The following HMGB1 variants were observed in gnomAD, a reference collection of about 807,000 sequenced individuals.
HMGB1 encodes the protein high mobility group box 1.
For missense variants in HMGB1, 79 were observed against 253.5 expected (o/e 0.31, Z 4.67); for synonymous variants, 81 against 84.0 (o/e 0.96, Z 0.19).
intron 1 of HMGB1, among the ~76,000 whole-genome samples, chr13:30,536,189 C>G (rs1340378842): frequency 6.6e-6 from 1 of 152,066 alleles, no homozygotes; most frequent in East Asian, 1.9e-4. Context: ...GCAGATTAAC[C>G]AATTATTTTT....
intron 1 of HMGB1, among the ~76,000 whole-genome samples, chr13:30,491,310 G>A (rs113943106): frequency 0.011 from 1,642 of 146,140 alleles, 29 homozygotes; most frequent in African/African-American, 0.041. Context: ...GATTACAGGC[G>A]TGAGCCACCG....
At chr13:30,506,597 G>A (rs868715761) in intron 1 of HMGB1, among the ~76,000 whole-genome samples, 4 of 152,040 alleles carry the variant, frequency 2.6e-5, no homozygotes, top group Non-Finnish European at 4.4e-5. Context: ...GCCTCTCCGC[G>A]GGCACTTTCT....
chr13:30,606,442 T>C (rs1255878909), intron 1 of HMGB1, among the ~76,000 whole-genome samples: 5 of 142,308 alleles, frequency 3.5e-5, no homozygotes. Flanking sequence ...GGAGAGCATG[T>C]CTTAAAGCTG....
At chr13:30,473,552 G>T (rs1886997830) in intron 1 of HMGB1, among the ~76,000 whole-genome samples, 1 of 152,146 alleles carries the variant, frequency 6.6e-6, no homozygotes, top group Non-Finnish European at 1.5e-5. Context: ...CAGAATAAAT[G>T]CTTATCACAC....
chr13:30,519,647 C>CT (rs1424852864), intron 1 of HMGB1, among the ~76,000 whole-genome samples: 1 of 151,804 alleles, frequency 6.6e-6, no homozygotes. Context: ...TTGCAGTGAG[C>CT]TGAGATCGCA....
chr13:30,524,427 G>C (rs1203364349), intron 1 of HMGB1, among the ~76,000 whole-genome samples: 8 of 151,850 alleles, frequency 5.3e-5, no homozygotes, highest in Non-Finnish European at 1.2e-4. Flanking sequence ...AGCACGGCTA[G>C]GAAGACTTCA....
intron 1 of HMGB1, among the ~76,000 whole-genome samples, chr13:30,574,411 C>A (rs1870559250): frequency 6.6e-6 from 1 of 152,204 alleles, no homozygotes; most frequent in East Asian, 1.9e-4. Context: ...AACACACTGT[C>A]TACCATAGAT....
intron 1 of HMGB1, among the ~76,000 whole-genome samples, chr13:30,565,633 G>A (rs894564244): frequency 3.9e-5 from 6 of 152,334 alleles, no homozygotes; most frequent in African/African-American, 9.6e-5. Flanking sequence ...ATTCTGATTA[G>A]GTTAGGTCTG....
chr13:30,520,465 C>CA (rs1357187823), intron 1 of HMGB1, among the ~76,000 whole-genome samples: 3 of 151,746 alleles, frequency 2.0e-5, no homozygotes, highest in African/African-American at 7.3e-5. Context: ...ACTAAAAATA[C>CA]AAAAATTAGT....
At chr13:30,463,120 C>G in intron 3 of HMGB1, 87 bp downstream of exon 3, 1 of 1,298,072 alleles carries the variant, frequency 7.7e-7, no homozygotes, top group Non-Finnish European at 1.1e-6. Context: ...TACATTTACA[C>G]TCTAAACTGA....
chr13:30,581,474 T>C (rs954388627), intron 1 of HMGB1, among the ~76,000 whole-genome samples: 1 of 152,246 alleles, frequency 6.6e-6, no homozygotes, highest in African/African-American at 2.4e-5. Flanking sequence ...ATGGCTGCTT[T>C]TGCGCTACAG....
At position 30,460,115 on chromosome 13, in the gene HMGB1, G is replaced by C. The variant is rs1439604391; in HGVS notation, c.*1242C>G. The C allele has an allele frequency of 1.3e-5, 2 of 152,270 alleles. No homozygotes were observed. The highest frequency in any genetic ancestry group is 2.4e-5 in the African/African-American group (1 of 41,302). The allele number at this position is 152,270 out of a possible 1,614,324, so 9.4% of individuals were successfully genotyped here. A position where few individuals can be genotyped will look rare whatever the true frequency, so the allele number is the denominator to read the frequency against. On this transcript the variant is annotated 3_prime_UTR_variant, in exon 5 of 5. Transcript: ENST00000341423. ...AAGCAGATAAACATGACTAATGAAT[G>C]AGTTTGTTTTGTAAAGAAAAATCAT...
chr13:30,475,049 T>C (rs577084215), intron 1 of HMGB1, among the ~76,000 whole-genome samples: 36 of 134,692 alleles, frequency 2.7e-4, no homozygotes, highest in African/African-American at 9.6e-4. Flanking sequence ...CTCTCTCTTT[T>C]TTTTTTTTTT....
intron 1 of HMGB1, among the ~76,000 whole-genome samples, chr13:30,509,853 A>G (rs1887951718): frequency 6.6e-6 from 1 of 152,192 alleles, no homozygotes; most frequent in Non-Finnish European, 1.5e-5. Context: ...AAGAAACTGA[A>G]GCTCTGAATT....
intron 1 of HMGB1, among the ~76,000 whole-genome samples, chr13:30,527,959 G>A (rs984061439): frequency 6.6e-6 from 1 of 152,180 alleles, no homozygotes; most frequent in African/African-American, 2.4e-5. Context: ...CAAACCAGGT[G>A]TTATTTCAAA....
chr13:30,595,416 A>T (rs1871563684), intron 1 of HMGB1, among the ~76,000 whole-genome samples: 1 of 152,362 alleles, frequency 6.6e-6, no homozygotes, highest in African/African-American at 2.4e-5. Context: ...AAGGCCTACA[A>T]AAATGAGTTC....
intron 1 of HMGB1, among the ~76,000 whole-genome samples, chr13:30,496,630 G>T (rs977539817): frequency 1.6e-4 from 25 of 152,178 alleles, no homozygotes; most frequent in African/African-American, 5.8e-4. Flanking sequence ...AGCCATCAAA[G>T]GGGGAGATTC....
At chr13:30,616,581 A>T (rs1036295084) in intron 1 of HMGB1, 1 of 152,238 alleles carries the variant, frequency 6.6e-6, no homozygotes, top group Non-Finnish European at 1.5e-5. Flanking sequence ...ATCACAATTC[A>T]TAAAAAAGAA....
intron 1 of HMGB1, among the ~76,000 whole-genome samples, chr13:30,558,749 C>T (rs1052845313): frequency 6.6e-6 from 1 of 152,190 alleles, no homozygotes; most frequent in Admixed American, 6.5e-5. Flanking sequence ...AGCTTTCTTT[C>T]CTTATTCCCC....
Sources: gnomAD v4.1 joint callset for allele counts (sites outside exome capture counted in the v4.1 genomes callset) on GRCh38, gnomAD v4.1.1 for gene constraint, MANE v1.5 for transcripts, NCBI Gene and HGNC (gene_info 2026-07-23, HGNC 2026-07-21) for gene names.